The following PCDHA2 variants were observed in gnomAD, a reference collection of about 807,000 sequenced individuals.
PCDHA2 encodes protocadherin alpha-2.
PCDHA2 carries 58 observed loss-of-function variants against 66.0 expected under a neutral mutation model. That is an observed-to-expected ratio of 0.88 (90% CI 0.71 to 1.09). PCDHA2 has a LOEUF of 1.09. Ranked by LOEUF, PCDHA2 falls within the 50% of genes least tolerant of loss-of-function variation. The pLI, the probability that PCDHA2 is intolerant of heterozygous loss-of-function variation, is 0.00. For missense variants in PCDHA2, 1,267 were observed against 1,242.3 expected (o/e 1.02, Z -0.30); for synonymous variants, 634 against 554.0 (o/e 1.14, Z -2.03).
At chr5:140,799,382 G>A (rs184046371) in intron 1 of PCDHA2, among the ~76,000 whole-genome samples, 2 of 152,140 alleles carry the variant, frequency 1.3e-5, no homozygotes, top group East Asian at 3.9e-4. Context: ...AGTCCATGAA[G>A]TTTAAAAATT....
intron 3 of PCDHA2, among the ~76,000 whole-genome samples, chr5:141,000,510 C>G (rs1197965439): frequency 5.6e-5 from 8 of 143,864 alleles, no homozygotes; most frequent in South Asian, 4.5e-4. Context: ...TCACTGCAAC[C>G]TCCTTCTCCA....
At chr5:140,909,854 C>T (rs756812618) in intron 1 of PCDHA2, among the ~76,000 whole-genome samples, 8 of 152,186 alleles carry the variant, frequency 5.3e-5, no homozygotes, top group Non-Finnish European at 1.2e-4. Flanking sequence ...CGTTTTCGGT[C>T]CCCTGGAGTC....
chr5:140,975,752 A>G (rs577986836), intron 1 of PCDHA2, among the ~76,000 whole-genome samples: 2 of 152,320 alleles, frequency 1.3e-5, no homozygotes, highest in East Asian at 1.9e-4. Flanking sequence ...CAAATATTCT[A>G]TGTCATAAAT....
At chr5:140,986,163 G>A (rs1186387690) in intron 3 of PCDHA2, among the ~76,000 whole-genome samples, 1 of 152,212 alleles carries the variant, frequency 6.6e-6, no homozygotes, top group African/African-American at 2.4e-5. Flanking sequence ...AATGTTTTCT[G>A]CAGGATAAAC....
intron 1 of PCDHA2, among the ~76,000 whole-genome samples, chr5:140,904,463 AT>A (rs2071154368): frequency 6.6e-6 from 1 of 151,520 alleles, no homozygotes; most frequent in Non-Finnish European, 1.5e-5. Flanking sequence ...ACACTTGTTG[AT>A]TGGTGGCTAT....
At chr5:140,857,104 T>G in intron 1 of PCDHA2, 6 of 1,597,962 alleles carry the variant, frequency 3.8e-6, no homozygotes, top group Non-Finnish European at 5.1e-6. Flanking sequence ...TGATTGTCAC[T>G]TCTCTGTCTC....
intron 1 of PCDHA2, among the ~76,000 whole-genome samples, chr5:140,874,668 A>G (rs1424174427): frequency 6.6e-6 from 1 of 152,238 alleles, no homozygotes; most frequent in African/African-American, 2.4e-5. Context: ...TCCAGAATCT[A>G]TTCCTGAGAT....
chr5:140,936,547 A>G (rs1554211059), intron 1 of PCDHA2, among the ~76,000 whole-genome samples: 1 of 152,240 alleles, frequency 6.6e-6, no homozygotes, highest in East Asian at 1.9e-4. Context: ...AGTGCAATGT[A>G]GAAGTCAAGA....
intron 1 of PCDHA2, chr5:140,817,221 C>T (rs1231658079): frequency 6.6e-6 from 1 of 152,306 alleles, no homozygotes; most frequent in Non-Finnish European, 1.5e-5. Flanking sequence ...CTTTCTCTTT[C>T]CCTTCTCAGG....
chr5:140,876,313 A>T, intron 1 of PCDHA2: 1 of 1,614,022 alleles, frequency 6.2e-7, no homozygotes, highest in East Asian at 2.2e-5. Flanking sequence ...TTCCTATGGG[A>T]TCAAAATGAT....
At chr5:140,853,186 T>A (rs1319210557) in intron 1 of PCDHA2, 2 of 978,922 alleles carry the variant, frequency 2.0e-6, no homozygotes, top group African/African-American at 3.5e-5. Flanking sequence ...GCCTAAAATG[T>A]GTTCTTTATT....
chr5:140,873,240 A>G (rs1008708021), intron 1 of PCDHA2, among the ~76,000 whole-genome samples: 10 of 152,226 alleles, frequency 6.6e-5, no homozygotes, highest in African/African-American at 2.4e-4. Context: ...ATAAAAATAT[A>G]AAATATTTCA....
rs782411315 is a variant in PCDHA2, at chr5:140,883,596, T to G, written c.2388+86244T>G. ...CTGTGGGCCACGGCCAGCGTGTCGG[T>G]GGGGGTGGCCGACGTGAACGACAAC... On this transcript the variant is annotated intron_variant, in intron 1 of 3. Coordinates refer to ENST00000526136, the MANE Select transcript of PCDHA2 (RefSeq NM_018905.3). 1.0e-4 allele frequency: 167 copies of G among 1,613,676 alleles called. No homozygotes were observed. The highest frequency in any genetic ancestry group is 1.6e-4 in the Middle Eastern group (1 of 6,072).
At chr5:140,804,051 GA>G (rs1763327838) in intron 1 of PCDHA2, 1 of 164,994 alleles carries the variant, frequency 6.1e-6, no homozygotes. Context: ...ACTCCCTATT[GA>G]TTATGCTTTT....
At chr5:140,946,452 T>C (rs2093945325) in intron 1 of PCDHA2, among the ~76,000 whole-genome samples, 1 of 151,436 alleles carries the variant, frequency 6.6e-6, no homozygotes. Flanking sequence ...AAAACAACTA[T>C]CCAGCAATCC....
In PCDHA2 at chr5:141,010,181, C is replaced by G; in HGVS notation, c.*244C>G. The G allele has an allele frequency of 2.6e-6, 4 of 1,554,386 alleles. No individual in the cohort carries two copies. Among genetic ancestry groups the G allele is most frequent in the Non-Finnish European group, 3.5e-6 (4 of 1,148,120 alleles). On this transcript the variant is annotated 3_prime_UTR_variant, in exon 4 of 4. Transcript: ENST00000526136. ...TTGTTTTCAGAACCTAAAAAGCAGA[C>G]CCAAGTTTCCTTTCTCCTCCGCCGC... is the stretch of plus-strand genomic sequence containing the variant.
chr5:140,919,286 G>A (rs1225686980), intron 1 of PCDHA2, among the ~76,000 whole-genome samples: 9 of 152,096 alleles, frequency 5.9e-5, no homozygotes, highest in Admixed American at 5.9e-4. Flanking sequence ...GCTATCTTGT[G>A]GTTGCTGTTT....
At chr5:140,871,564 C>T (rs782409405) in intron 1 of PCDHA2, 16 of 1,482,712 alleles carry the variant, frequency 1.1e-5, no homozygotes, top group East Asian at 2.5e-5. Flanking sequence ...TTTTTTTTCA[C>T]GGATTTTTTA....
Position 140,834,605 on chromosome 5 carries a change from T to G in PCDHA2, c.2388+37253T>G, listed in dbSNP as rs2150222820. 19 of 1,613,994 alleles carry G rather than the reference T, an allele frequency of 1.2e-5. No homozygotes were observed. The South Asian group carries it at 2.1e-4, about 18-fold the overall frequency. On this transcript the variant is annotated intron_variant, in intron 1 of 3. Coordinates refer to ENST00000526136, the MANE Select transcript of PCDHA2 (RefSeq NM_018905.3). Reference sequence around the variant, plus strand: ...CGGTGTGCAAATTCCGTGGGGATCTTCTGGAGGTAAATCTGCAGAATGGCA... The same window carrying G: ...CGGTGTGCAAATTCCGTGGGGATCTGCTGGAGGTAAATCTGCAGAATGGCA...
Sources: gnomAD v4.1 joint callset for allele counts (sites outside exome capture counted in the v4.1 genomes callset) on GRCh38, gnomAD v4.1.1 for gene constraint, MANE v1.5 for transcripts, NCBI Gene and HGNC (gene_info 2026-07-23, HGNC 2026-07-21) for gene names.